Variants in ARID2 observed in about 807,000 individuals in gnomAD.
ARID2 encodes the protein AT-rich interactive domain-containing protein 2.
ARID2 carries 32 observed loss-of-function variants against 184.6 expected under a neutral mutation model. The observed-to-expected ratio is 0.17, with a 90% CI of 0.13 to 0.23. The LOEUF is 0.23. Among genes scored for constraint, ARID2 ranks in the 10% least tolerant of loss-of-function variants. ARID2 has a pLI of 1.00. For missense variants in ARID2, 1,696 were observed against 2,197.6 expected, an observed-to-expected ratio of 0.77 and a Z score of 4.56; for synonymous variants, 836 against 772.6, an observed-to-expected ratio of 1.08 and a Z score of -1.36.
chr12:45,751,847 T>A (rs1941470885), intron 3 of ARID2, among the ~76,000 whole-genome samples: 1 of 152,218 alleles, frequency 6.6e-6, no homozygotes, highest in Non-Finnish European at 1.5e-5. Flanking sequence ...TATTATAATC[T>A]TATGGGAGCA....
chr12:45,752,086 T>C (rs533941624), intron 3 of ARID2, among the ~76,000 whole-genome samples: 2 of 152,336 alleles, frequency 1.3e-5, no homozygotes, highest in East Asian at 1.9e-4. Flanking sequence ...TTTTCAATTT[T>C]AAACCTAATT....
chr12:45,901,332 C>T (rs898956915), intron 20 of ARID2, among the ~76,000 whole-genome samples: 2 of 150,972 alleles, frequency 1.3e-5, no homozygotes, highest in East Asian at 1.9e-4. Context: ...CACCATGCCC[C>T]GCTAATATTT....
chr12:45,895,502 A>G (rs1592146387), intron 20 of ARID2, among the ~76,000 whole-genome samples: 1 of 152,168 alleles, frequency 6.6e-6, no homozygotes, highest in African/African-American at 2.4e-5. Flanking sequence ...TGATTGATAG[A>G]CAGGTGGTGG....
chr12:45,765,238 C>T (rs113449092), intron 3 of ARID2, among the ~76,000 whole-genome samples: 2 of 151,982 alleles, frequency 1.3e-5, no homozygotes, highest in African/African-American at 2.4e-5. Context: ...GACAAGGTCT[C>T]TCTCTGTCAC....
At chr12:45,770,036 C>T (rs1233953138) in intron 3 of ARID2, among the ~76,000 whole-genome samples, 9 of 152,072 alleles carry the variant, frequency 5.9e-5, no homozygotes, top group Non-Finnish European at 1.0e-4. Flanking sequence ...GGGTAGATCA[C>T]GAGGTCAGGA....
chr12:45,900,185 T>C (rs1944440206), intron 20 of ARID2, among the ~76,000 whole-genome samples: 1 of 152,074 alleles, frequency 6.6e-6, no homozygotes, highest in East Asian at 1.9e-4. Context: ...CTCAGCCTCC[T>C]GAGTAGCTGG....
chr12:45,797,820 CAG>C (rs1418849799), intron 3 of ARID2, among the ~76,000 whole-genome samples: 9 of 151,842 alleles, frequency 5.9e-5, no homozygotes, highest in East Asian at 5.8e-4. Context: ...CTTTTTATAT[CAG>C]AGAATTATTG....
chr12:45,741,410 C>T (rs1941253956), intron 3 of ARID2, among the ~76,000 whole-genome samples: 1 of 152,160 alleles, frequency 6.6e-6, no homozygotes, highest in Non-Finnish European at 1.5e-5. Context: ...TTTGCTCAGG[C>T]TGGTCTCAAA....
intron 13 of ARID2, among the ~76,000 whole-genome samples, 193 bp downstream of exon 13, chr12:45,849,163 G>A (rs1362668525): frequency 6.6e-6 from 1 of 151,986 alleles, no homozygotes; most frequent in Non-Finnish European, 1.5e-5. Context: ...GTTTGTGTTG[G>A]AACATTATGA....
In ARID2 at chr12:45,905,747, C is replaced by G. The variant is rs775170801; in HGVS notation, c.*669C>G. The G allele has an allele frequency of 4.3e-6, 1 of 232,760 alleles. No individual in the cohort carries two copies. The highest frequency in any genetic ancestry group is 2.2e-5 in the African/African-American group (1 of 45,300). The allele number at this position is 232,760 out of a possible 1,614,324, so 14.4% of individuals were successfully genotyped here. ...CATGCCACTGCAGCCACTGGAAATACATTCTGTGGTGTCCTAGAAGCATTA... is the reference window on the plus strand; with the variant it reads ...CATGCCACTGCAGCCACTGGAAATAGATTCTGTGGTGTCCTAGAAGCATTA... On this transcript the variant is annotated 3_prime_UTR_variant, in exon 21 of 21. Coordinates refer to ENST00000334344, the MANE Select transcript of ARID2 (RefSeq NM_152641.4).
At chr12:45,795,571 T>C (rs1942376572) in intron 3 of ARID2, among the ~76,000 whole-genome samples, 1 of 152,146 alleles carries the variant, frequency 6.6e-6, no homozygotes, top group Non-Finnish European at 1.5e-5. Context: ...TAGCTGGGAC[T>C]ACAGGCGCCC....
intron 3 of ARID2, among the ~76,000 whole-genome samples, chr12:45,779,424 T>C (rs928747989): frequency 1.3e-5 from 2 of 152,134 alleles, no homozygotes; most frequent in African/African-American, 4.8e-5. Flanking sequence ...CTGTCAAATA[T>C]TGTCAAAATA....
Position 45,842,448 on chromosome 12 carries a change from G to A in ARID2, c.1498+2952G>A, listed in dbSNP as rs1004702595. Among the ~76,000 whole-genome samples the A allele has an allele frequency of 2.6e-5, 4 of 151,350 alleles. No homozygotes were observed. In the East Asian group the frequency reaches 7.8e-4, roughly 30 times the overall value. Reference sequence around the variant, plus strand: ...TGGTACATCAAATAGTAAATACATTGTAAATTTTTATAAATAATTATTAAA... The same window carrying A: ...TGGTACATCAAATAGTAAATACATTATAAATTTTTATAAATAATTATTAAA... On this transcript the variant is annotated intron_variant, in intron 11 of 20. Transcript: ENST00000334344.
At chr12:45,781,424 T>G (rs1942087625) in intron 3 of ARID2, among the ~76,000 whole-genome samples, 1 of 12,780 alleles carries the variant, frequency 7.8e-5, no homozygotes, top group South Asian at 2.3e-3. Context: ...TTGCCTAGTA[T>G]AACTAAACCC....
intron 15 of ARID2, among the ~76,000 whole-genome samples, chr12:45,853,250 T>C (rs1943589164): frequency 6.6e-6 from 1 of 152,202 alleles, no homozygotes; most frequent in Non-Finnish European, 1.5e-5. Flanking sequence ...CTAAGAGTAC[T>C]CTAAATGGGG....
chr12:45,873,148 A>G (rs1232436884), intron 16 of ARID2, among the ~76,000 whole-genome samples: 1 of 152,116 alleles, frequency 6.6e-6, no homozygotes, highest in Non-Finnish European at 1.5e-5. Flanking sequence ...ATCCACGATA[A>G]TTTTCCTTGC....
At chr12:45,792,246 T>C (rs1227075383) in intron 3 of ARID2, among the ~76,000 whole-genome samples, 1 of 152,208 alleles carries the variant, frequency 6.6e-6, no homozygotes, top group Non-Finnish European at 1.5e-5. Flanking sequence ...TTCTAGTTTA[T>C]TATGATTAGG....
At chr12:45,809,204 T>G (rs1942658205) in intron 3 of ARID2, among the ~76,000 whole-genome samples, 1 of 152,374 alleles carries the variant, frequency 6.6e-6, no homozygotes, top group South Asian at 2.1e-4. Context: ...ATCTGTAGTC[T>G]GTTTTAACCA....
intron 3 of ARID2, among the ~76,000 whole-genome samples, chr12:45,761,955 C>T (rs562064566): frequency 6.6e-6 from 1 of 151,984 alleles, no homozygotes; most frequent in East Asian, 1.9e-4. Flanking sequence ...CTTAAATCAA[C>T]TCTGTTCATT....
Sources: allele counts gnomAD v4.1 joint callset (sites outside exome capture counted in the v4.1 genomes callset), GRCh38; gene constraint gnomAD v4.1.1; transcripts MANE v1.5; gene names NCBI Gene and HGNC (gene_info 2026-07-23, HGNC 2026-07-21).